The following EMCN variants were observed in gnomAD, a reference collection of about 807,000 sequenced individuals.
The protein encoded by EMCN is endomucin.
Under a neutral mutation model 38.4 loss-of-function variants are expected in EMCN, and 37 were observed. That is an observed-to-expected ratio of 0.96 (90% CI 0.74 to 1.27). The LOEUF (loss-of-function observed/expected upper bound fraction) is 1.27, where lower values mean the gene tolerates loss of function less well. Ranked by LOEUF, EMCN falls within the 50% of genes most tolerant of loss-of-function variation. The pLI is 0.00. For synonymous variants in EMCN, 95 were observed against 100.8 expected (o/e 0.94, Z 0.35); for missense variants, 318 against 302.8 (o/e 1.05, Z -0.37).
intron 1 of EMCN, among the ~76,000 whole-genome samples, chr4:100,506,310 G>A (rs1253034218): frequency 2.0e-5 from 3 of 152,010 alleles, no homozygotes; most frequent in African/African-American, 4.8e-5. Flanking sequence ...CTATCTTTTC[G>A]ATATCCATTG....
chr4:100,483,110 T>A (rs1017112150), intron 1 of EMCN, among the ~76,000 whole-genome samples: 1 of 152,122 alleles, frequency 6.6e-6, no homozygotes, highest in African/African-American at 2.4e-5. Flanking sequence ...GGCTGACAAC[T>A]CCTAAAAGTA....
intron 6 of EMCN, 70 bp from the exon 7 acceptor site, chr4:100,423,150 T>G: frequency 1.4e-6 from 2 of 1,479,986 alleles, no homozygotes; most frequent in Non-Finnish European, 1.9e-6. Flanking sequence ...CCCTCCACCC[T>G]CATTTAAGGA....
chr4:100,420,859 C>T (rs1726868067), intron 8 of EMCN, among the ~76,000 whole-genome samples: 1 of 151,890 alleles, frequency 6.6e-6, no homozygotes, highest in Non-Finnish European at 1.5e-5. Flanking sequence ...GTGTGTCTCC[C>T]AGGAGGGAAA....
intron 11 of EMCN, among the ~76,000 whole-genome samples, chr4:100,402,656 A>G (rs956988242): frequency 6.6e-6 from 1 of 152,190 alleles, no homozygotes; most frequent in African/African-American, 2.4e-5. Context: ...GAGCAATAAA[A>G]GTTATTTAGC....
chr4:100,509,238 C>T (rs1380268769), intron 1 of EMCN, among the ~76,000 whole-genome samples: 1 of 152,042 alleles, frequency 6.6e-6, no homozygotes, highest in Non-Finnish European at 1.5e-5. Context: ...CCTTTGTATA[C>T]CTTAAGAATT....
intron 9 of EMCN, among the ~76,000 whole-genome samples, chr4:100,416,556 T>G (rs1726740786): frequency 1.3e-5 from 2 of 152,150 alleles, no homozygotes; most frequent in African/African-American, 4.8e-5. Context: ...TTTCTAAAGT[T>G]TACAACCTTA....
intron 1 of EMCN, among the ~76,000 whole-genome samples, chr4:100,494,521 A>G (rs542805005): frequency 6.6e-6 from 1 of 152,274 alleles, no homozygotes; most frequent in African/African-American, 2.4e-5. Flanking sequence ...AATCAACTCA[A>G]ACTTGCTTCA....
At chr4:100,486,673 C>A (rs2110287855) in intron 1 of EMCN, among the ~76,000 whole-genome samples, 1 of 152,332 alleles carries the variant, frequency 6.6e-6, no homozygotes, top group South Asian at 2.1e-4. Flanking sequence ...GAGTGCCAAG[C>A]CTGGCAGGCT....
intron 1 of EMCN, among the ~76,000 whole-genome samples, chr4:100,504,901 G>C (rs1465161521): frequency 6.6e-6 from 1 of 152,226 alleles, no homozygotes; most frequent in African/African-American, 2.4e-5. Flanking sequence ...TCCCTGTGAT[G>C]CTGTGCTTCA....
chr4:100,422,826 T>C (rs371637742), intron 7 of EMCN, among the ~76,000 whole-genome samples, 195 bp downstream of exon 7: 1 of 144,182 alleles, frequency 6.9e-6, no homozygotes, highest in Non-Finnish European at 1.6e-5. Flanking sequence ...TCTTTTCTTT[T>C]TTTTTTTTTT....
chr4:100,475,741 G>A (rs1241914678), intron 2 of EMCN, among the ~76,000 whole-genome samples: 4 of 134,266 alleles, frequency 3.0e-5, no homozygotes. Flanking sequence ...GCAGTGGCGC[G>A]ATCTCGGCTC....
intron 4 of EMCN, among the ~76,000 whole-genome samples, chr4:100,449,893 A>T (rs1025984172): frequency 6.6e-6 from 1 of 152,142 alleles, no homozygotes; most frequent in Admixed American, 6.6e-5. Flanking sequence ...TATTTAATCC[A>T]GTATAGAATA....
chr4:100,501,855 G>GTTTT (rs201524832), intron 1 of EMCN, among the ~76,000 whole-genome samples: 1 of 144,874 alleles, frequency 6.9e-6, no homozygotes, highest in Non-Finnish European at 1.5e-5. Context: ...ATTCTAGTGG[G>GTTTT]TTTTTTTTTT....
intron 1 of EMCN, among the ~76,000 whole-genome samples, chr4:100,489,460 A>G (rs561693971): frequency 1.2e-3 from 178 of 152,282 alleles, no homozygotes; most frequent in African/African-American, 3.9e-3. Flanking sequence ...ACACCATTTC[A>G]GTCAGTGACA....
intron 5 of EMCN, among the ~76,000 whole-genome samples, chr4:100,427,041 C>T (rs1377544420): frequency 6.6e-6 from 1 of 152,052 alleles, no homozygotes; most frequent in Non-Finnish European, 1.5e-5. Flanking sequence ...GGCATGGTGG[C>T]TCACGCCTGT....
At chr4:100,503,242 G>T (rs562644702) in intron 1 of EMCN, among the ~76,000 whole-genome samples, 1 of 152,114 alleles carries the variant, frequency 6.6e-6, no homozygotes, top group South Asian at 2.1e-4. Context: ...ACAATTTAAG[G>T]CCTACCGAAG....
At chr4:100,456,817 T>A (rs1323783439) in intron 4 of EMCN, among the ~76,000 whole-genome samples, 6 of 152,128 alleles carry the variant, frequency 3.9e-5, no homozygotes, top group Non-Finnish European at 7.4e-5. Flanking sequence ...GTAGTTGAGG[T>A]GCAGTGTTCC....
intron 4 of EMCN, among the ~76,000 whole-genome samples, chr4:100,448,068 T>C (rs1275257267): frequency 6.6e-6 from 1 of 151,996 alleles, no homozygotes; most frequent in African/African-American, 2.4e-5. Context: ...TGCCATGTGT[T>C]GTAATCCTAC....
intron 5 of EMCN, among the ~76,000 whole-genome samples, chr4:100,427,424 A>C (rs1165591972): frequency 6.7e-6 from 1 of 149,202 alleles, no homozygotes; most frequent in African/African-American, 2.5e-5. Context: ...GGTGTGCACC[A>C]CCACACCCAG....
Sources: gnomAD v4.1 joint callset for allele counts (sites outside exome capture counted in the v4.1 genomes callset) on GRCh38, gnomAD v4.1.1 for gene constraint, MANE v1.5 for transcripts, NCBI Gene and HGNC (gene_info 2026-07-23, HGNC 2026-07-21) for gene names.